The following NRG1 variants were observed in gnomAD, a reference collection of about 807,000 sequenced individuals.
NRG1 encodes pro-neuregulin-1, membrane-bound isoform.
Under a neutral mutation model 63.8 loss-of-function variants are expected in NRG1, and 18 were observed. That is an observed-to-expected ratio of 0.28 (90% CI 0.19 to 0.42). The LOEUF is 0.42. Among genes scored for constraint, NRG1 ranks in the 10% least tolerant of loss-of-function variants. NRG1 has a pLI of 1.00. For missense variants in NRG1, 762 were observed against 814.7 expected (o/e 0.94, Z 0.79); for synonymous variants, 302 against 301.3 (o/e 1.00, Z -0.02).
At chr8:31,760,893 G>C (rs1402603395) in intron 1 of NRG1, among the ~76,000 whole-genome samples, 1 of 152,048 alleles carries the variant, frequency 6.6e-6, no homozygotes, top group African/African-American at 2.4e-5. Context: ...AGTCACTGTG[G>C]CGATTCCTCA....
rs202124854 is a variant in NRG1 at position 32,747,722 on chromosome 8, A to ATG, written c.691+4999_691+5000dup. On this transcript the variant is annotated intron_variant, in intron 7 of 11. Transcript: ENST00000356819. Reference sequence around the variant, plus strand: ...TTGATATATGTGTTTGTGTGCATATATGTGTGTGTGTATATATATATATAT... The same window carrying ATG: ...TTGATATATGTGTTTGTGTGCATATATGTGTGTGTGTGTATATATATATATAT... Among the ~76,000 whole-genome samples the ATG allele has an allele frequency of 2.5e-3, 331 of 134,208 alleles. 4 individuals are homozygous for ATG. Among genetic ancestry groups the ATG allele is most frequent in the African/African-American group, 5.9e-3 (209 of 35,478 alleles). The allele number at this position is 134,208 out of a possible 152,430, so 88.0% of individuals were successfully genotyped here.
chr8:31,943,987 G>T lies in NRG1; in HGVS notation c.37+304556G>T, dbSNP rs143572091. Among the ~76,000 whole-genome samples the T allele has an allele frequency of 9.7e-4, 148 of 152,262 alleles. 1 individual carries two copies. The highest frequency in any genetic ancestry group is 3.4e-3 in the African/African-American group (143 of 41,558). On this transcript the variant is annotated intron_variant, in intron 1 of 10. Coordinates refer to the NRG1 transcript ENST00000519301. ...TGACTATTACTTGTTTATCAAAATG[G>T]TACACATTCTTCAGTTGCAGCTCCA...
chr8:32,644,230 A>G (rs1852997328), intron 5 of NRG1, among the ~76,000 whole-genome samples: 1 of 152,218 alleles, frequency 6.6e-6, no homozygotes, highest in African/African-American at 2.4e-5. Context: ...AAGGTTAGGT[A>G]GTAAAAAATT....
chr8:32,390,619 A>C (rs931090590), intron 1 of NRG1, among the ~76,000 whole-genome samples: 24 of 145,098 alleles, frequency 1.7e-4, no homozygotes, highest in Non-Finnish European at 7.6e-5. Flanking sequence ...AAAAAAAAAA[A>C]GAAGAAGAAG....
At chr8:31,970,956 A>G (rs1339214280) in intron 1 of NRG1, among the ~76,000 whole-genome samples, 1 of 152,032 alleles carries the variant, frequency 6.6e-6, no homozygotes, top group Non-Finnish European at 1.5e-5. Context: ...AGGCAGGAGA[A>G]TGGCGTGAAC....
chr8:32,618,154 A>G (rs753050031), intron 5 of NRG1, among the ~76,000 whole-genome samples: 8 of 151,986 alleles, frequency 5.3e-5, no homozygotes, highest in Admixed American at 1.3e-4. Context: ...AAAGATTAGT[A>G]TAATTATATG....
At chr8:31,837,293 G>T (rs890888344) in intron 1 of NRG1, among the ~76,000 whole-genome samples, 8 of 151,772 alleles carry the variant, frequency 5.3e-5, no homozygotes, top group African/African-American at 1.9e-4. Flanking sequence ...ATAGCTTCTG[G>T]TTTTTTGAGT....
intron 1 of NRG1, among the ~76,000 whole-genome samples, chr8:32,396,861 GTCTCTTC>G: frequency 6.6e-6 from 1 of 152,216 alleles, no homozygotes; most frequent in Admixed American, 6.5e-5. Context: ...TCCATCTGAG[GTCTCTTC>G]TCAACAGAAT....
chr8:32,038,441 A>G (rs889560979), intron 1 of NRG1, among the ~76,000 whole-genome samples: 1 of 152,050 alleles, frequency 6.6e-6, no homozygotes, highest in African/African-American at 2.4e-5. Flanking sequence ...CTCAAGGTTC[A>G]GTTTGAGTTT....
At chr8:32,188,369 A>G (rs1369063212) in intron 1 of NRG1, among the ~76,000 whole-genome samples, 1 of 152,134 alleles carries the variant, frequency 6.6e-6, no homozygotes, top group East Asian at 1.9e-4. Flanking sequence ...GCCCAGCTGG[A>G]TTATAGATTT....
intron 1 of NRG1, among the ~76,000 whole-genome samples, chr8:32,524,150 G>A (rs1025181255): frequency 6.6e-6 from 1 of 152,114 alleles, no homozygotes; most frequent in South Asian, 2.1e-4. Flanking sequence ...AGCTCAGTGT[G>A]GTGGCATGTG....
intron 1 of NRG1, among the ~76,000 whole-genome samples, chr8:31,780,350 T>C (rs1000956927): frequency 6.6e-6 from 1 of 152,210 alleles, no homozygotes; most frequent in African/African-American, 2.4e-5. Context: ...TGATCATCTT[T>C]ATAATAGGCT....
Position 32,742,357 on chromosome 8 carries a change from A to G in NRG1, c.633-318A>G, listed in dbSNP as rs1168690799. On this transcript the variant is annotated intron_variant, in intron 6 of 11. Transcript: ENST00000356819. This position sits in a 1 kb window ranked among gnomAD's most constrained non-coding sequence, Gnocchi z 4.2. ...ACATTTTCTTCCAACGTGTGTGACC[A>G]AAGCCATCATATGGAAAACTGAGAT... Among the ~76,000 whole-genome samples the G allele has an allele frequency of 6.6e-6, 1 of 152,152 alleles. No homozygotes were observed. Among genetic ancestry groups the G allele is most frequent in the Non-Finnish European group, 1.5e-5 (1 of 68,020 alleles).
At chr8:32,657,902 C>G (rs1801907492) in intron 5 of NRG1, among the ~76,000 whole-genome samples, 1 of 152,144 alleles carries the variant, frequency 6.6e-6, no homozygotes, top group South Asian at 2.1e-4. Flanking sequence ...TTTTTCCCAT[C>G]AAGCAACTCC....
At chr8:32,538,449 A>G (rs1045690527) in intron 1 of NRG1, among the ~76,000 whole-genome samples, 1 of 152,192 alleles carries the variant, frequency 6.6e-6, no homozygotes, top group African/African-American at 2.4e-5. Flanking sequence ...ATATGATTAT[A>G]CCATGTTTTT....
chr8:32,397,956 G>A (rs1812657178), intron 1 of NRG1, among the ~76,000 whole-genome samples: 2 of 150,964 alleles, frequency 1.3e-5, no homozygotes, highest in South Asian at 4.1e-4. Flanking sequence ...CACACTTATT[G>A]TGTTTTCACT....
At chr8:32,238,189 G>A (rs146720654) in intron 1 of NRG1, among the ~76,000 whole-genome samples, 1,846 of 152,198 alleles carry the variant, frequency 0.012, 38 homozygotes, top group African/African-American at 0.042. Flanking sequence ...GGGGCCAGGC[G>A]TGGTGGCTCA....
chr8:32,085,837 C>G (rs1248724116), intron 1 of NRG1, among the ~76,000 whole-genome samples: 1 of 152,116 alleles, frequency 6.6e-6, no homozygotes, highest in African/African-American at 2.4e-5. Context: ...AAGTCCAGGC[C>G]AGAAGTCTGA....
rs548751407 is a variant in NRG1 at position 32,645,424 on chromosome 8, TTTG to T, written c.502+28548_502+28550del. 6.6e-5 allele frequency among the ~76,000 whole-genome samples: 10 copies of T among 152,330 alleles called. No individual in the cohort carries two copies. In the South Asian group the frequency reaches 2.1e-3, roughly 32 times the overall value. ...ACATTTATGCAAATTGGCACAGGCT[TTTG>T]TTGTTGTTAGTTATAGTACTGCAAA... On this transcript the variant is annotated intron_variant, in intron 5 of 11. Coordinates refer to ENST00000356819, the Ensembl canonical transcript of NRG1.
Sources: allele counts gnomAD v4.1 joint callset (sites outside exome capture counted in the v4.1 genomes callset), GRCh38; gene constraint gnomAD v4.1.1; non-coding constraint Gnocchi (gnomAD v3.1); transcripts MANE v1.5; gene names NCBI Gene and HGNC (gene_info 2026-07-23, HGNC 2026-07-21).